Variants in THSD4 observed in about 807,000 individuals in gnomAD.
THSD4 encodes the protein thrombospondin type 1 domain containing 4.
In THSD4, 69 loss-of-function variants were observed where a neutral mutation model predicts 119.0. That is an observed-to-expected ratio of 0.58 (90% CI 0.48 to 0.71). The LOEUF (loss-of-function observed/expected upper bound fraction) is 0.71. THSD4 is among the 30% of genes least tolerant of loss of function. The pLI, the probability that THSD4 is intolerant of heterozygous loss-of-function variation, is 0.00. For missense variants in THSD4, 1,393 were observed against 1,391.1 expected, an observed-to-expected ratio of 1.00 and a Z score of -0.02; for synonymous variants, 524 against 540.4, an observed-to-expected ratio of 0.97 and a Z score of 0.42.
chr15:71,353,364 A>T (rs1317968341), intron 6 of THSD4, among the ~76,000 whole-genome samples: 2 of 151,206 alleles, frequency 1.3e-5, no homozygotes, highest in African/African-American at 4.8e-5. Context: ...ATTAGCAAAC[A>T]CTTAATCTGA....
chr15:71,761,290 T>C (rs1377301669), intron 15 of THSD4, among the ~76,000 whole-genome samples: 1 of 152,136 alleles, frequency 6.6e-6, no homozygotes. Flanking sequence ...AACTTTTATG[T>C]CTCCATTAGT....
chr15:71,561,942 T>TC lies in THSD4; in HGVS notation c.1153-98588_1153-98587insC, dbSNP rs201357384. 2.0e-4 allele frequency among the ~76,000 whole-genome samples: 30 copies of TC among 149,468 alleles called. 1 individual carries two copies. The highest frequency in any genetic ancestry group is 6.0e-4 in the African/African-American group (24 of 40,292). ...CACAAACACTCACTCACTCTCTCTC[T>TC]TCTCTAGAGCCAGAAAGTGATGTTA... On this transcript the variant is annotated intron_variant, in intron 7 of 17. Transcript: ENST00000261862.
intron 11 of THSD4, among the ~76,000 whole-genome samples, chr15:71,742,736 A>T (rs1159076664): frequency 6.6e-6 from 1 of 151,898 alleles, no homozygotes; most frequent in Non-Finnish European, 1.5e-5. Flanking sequence ...AAAGAAGGAA[A>T]CCACTGCGGT....
intron 6 of THSD4, among the ~76,000 whole-genome samples, chr15:71,312,496 C>G (rs34511988): frequency 0.15 from 23,181 of 152,040 alleles, 1,794 homozygotes; most frequent in South Asian, 0.28. Context: ...AGAGAGGCCT[C>G]GGAGGAAACG....
At chr15:71,125,167 A>G (rs2040443032) in intron 1 of THSD4, among the ~76,000 whole-genome samples, 1 of 152,070 alleles carries the variant, frequency 6.6e-6, no homozygotes, top group African/African-American at 2.4e-5. Context: ...AAGAGAAAAG[A>G]GAAGAAAAGA....
chr15:71,452,895 A>C (rs1299359551), intron 7 of THSD4, among the ~76,000 whole-genome samples: 1 of 152,306 alleles, frequency 6.6e-6, no homozygotes, highest in East Asian at 1.9e-4. Flanking sequence ...GATTACAGGC[A>C]TGAGCCACTG....
intron 7 of THSD4, among the ~76,000 whole-genome samples, chr15:71,460,457 C>G (rs558750129): frequency 6.6e-6 from 1 of 152,186 alleles, no homozygotes; most frequent in South Asian, 2.1e-4. Context: ...TTTATTATGC[C>G]TTTGCCTGCC....
At chr15:71,492,362 T>C (rs1409270151) in intron 7 of THSD4, among the ~76,000 whole-genome samples, 1 of 152,162 alleles carries the variant, frequency 6.6e-6, no homozygotes, top group African/African-American at 2.4e-5. Context: ...CCTTCTGGGT[T>C]CAAGTGATTC....
intron 14 of THSD4, among the ~76,000 whole-genome samples, chr15:71,750,513 A>G (rs144560168): frequency 4.6e-4 from 70 of 152,118 alleles, no homozygotes; most frequent in African/African-American, 1.2e-3. Context: ...TGCAGCCTTC[A>G]CTCCACCTCC....
intron 6 of THSD4, among the ~76,000 whole-genome samples, chr15:71,291,353 A>G (rs957735645): frequency 3.3e-5 from 5 of 152,212 alleles, no homozygotes; most frequent in African/African-American, 1.2e-4. Context: ...ACAGGCTCAC[A>G]TAGTTAGGGA....
At chr15:71,548,911 T>C (rs2048883891) in intron 7 of THSD4, among the ~76,000 whole-genome samples, 1 of 152,220 alleles carries the variant, frequency 6.6e-6, no homozygotes, top group Non-Finnish European at 1.5e-5. Flanking sequence ...ATCACAGTGC[T>C]CCAGCAGCCC....
chr15:71,345,102 G>A (rs2045636435), intron 6 of THSD4, among the ~76,000 whole-genome samples: 1 of 151,162 alleles, frequency 6.6e-6, no homozygotes, highest in Non-Finnish European at 1.5e-5. Context: ...TCCTTTCTTA[G>A]TGTAGCCTGG....
At chr15:71,737,366 C>T (rs1296177304) in intron 10 of THSD4, among the ~76,000 whole-genome samples, 2 of 152,142 alleles carry the variant, frequency 1.3e-5, no homozygotes, top group African/African-American at 2.4e-5. Context: ...TAAGGGTTTC[C>T]AAACTTTCCA....
At chr15:71,424,148 C>T (rs2046841275) in intron 7 of THSD4, among the ~76,000 whole-genome samples, 1 of 152,116 alleles carries the variant, frequency 6.6e-6, no homozygotes, top group Admixed American at 6.5e-5. Flanking sequence ...TGTGATCGCC[C>T]ACCTGATTTT....
At chr15:71,669,923 A>G (rs571809794) in intron 8 of THSD4, among the ~76,000 whole-genome samples, 35 of 152,262 alleles carry the variant, frequency 2.3e-4, no homozygotes, top group African/African-American at 7.9e-4. Flanking sequence ...AATTTAATAC[A>G]TATTTTCCCT....
At chr15:71,528,963 C>T (rs372113922) in intron 7 of THSD4, among the ~76,000 whole-genome samples, 5 of 152,338 alleles carry the variant, frequency 3.3e-5, no homozygotes, top group East Asian at 1.9e-4. Context: ...AAGACTCTTT[C>T]GTTGTCTGCC....
At chr15:71,567,570 A>G (rs555764597) in intron 7 of THSD4, among the ~76,000 whole-genome samples, 13 of 147,536 alleles carry the variant, frequency 8.8e-5, no homozygotes, top group Middle Eastern at 3.4e-3. Flanking sequence ...AGCACTTCCA[A>G]CTTGCTCCTG....
At chr15:71,514,405 T>C (rs907144479) in intron 7 of THSD4, among the ~76,000 whole-genome samples, 17 of 152,172 alleles carry the variant, frequency 1.1e-4, no homozygotes, top group Non-Finnish European at 2.2e-4. Flanking sequence ...AGAGAAGGTA[T>C]TAAAGTTATT....
intron 3 of THSD4, among the ~76,000 whole-genome samples, chr15:71,211,350 G>T (rs530902346): frequency 6.4e-4 from 98 of 152,290 alleles, no homozygotes; most frequent in Admixed American, 6.3e-3. Context: ...CAAGATCAAG[G>T]TGTTGAGCGA....
Sources: gnomAD v4.1 joint callset for allele counts (sites outside exome capture counted in the v4.1 genomes callset) on GRCh38, gnomAD v4.1.1 for gene constraint, MANE v1.5 for transcripts, NCBI Gene and HGNC (gene_info 2026-07-23, HGNC 2026-07-21) for gene names.